ME1: variants seen among roughly 807,000 people sequenced by gnomAD.
ME1 encodes NADP-dependent malic enzyme.
In ME1, 74 loss-of-function variants were observed where a neutral mutation model predicts 66.4. That is an observed-to-expected ratio of 1.11 (90% CI 0.92 to 1.35). The LOEUF is 1.35. Among genes scored for constraint, ME1 ranks in the 40% most tolerant of loss-of-function variants. The pLI, the probability that ME1 is intolerant of heterozygous loss-of-function variation, is 0.00. For missense variants in ME1, 750 were observed against 694.1 expected (o/e 1.08, Z -0.90); for synonymous variants, 251 against 235.6 (o/e 1.07, Z -0.60).
intron 6 of ME1, among the ~76,000 whole-genome samples, chr6:83,302,442 T>A (rs998355158): frequency 6.6e-6 from 1 of 152,074 alleles, no homozygotes; most frequent in Non-Finnish European, 1.5e-5. Context: ...GCACATGTAC[T>A]CCTGAACTTA....
At position 83,429,633 on chromosome 6, in the gene ME1, T is replaced by C. The variant is rs1203398263; in HGVS notation, c.78+1244A>G. The stretch of plus-strand genomic sequence containing the variant: ...TAAGTTGGAATTATTTACAATTTAA[T>C]AATGCTACATGACGGCAGATAGCAC... On this transcript the variant is annotated intron_variant, in intron 1 of 13. Transcript: ENST00000369705. Among the ~76,000 whole-genome samples, 3 of 152,254 alleles carry C rather than the reference T, an allele frequency of 2.0e-5. 1 individual carries two copies. The highest frequency in any genetic ancestry group is 4.1e-4 in the South Asian group (2 of 4,836).
intron 2 of ME1, among the ~76,000 whole-genome samples, chr6:83,401,542 A>G (rs73476992): frequency 0.024 from 3,660 of 152,310 alleles, 156 homozygotes; most frequent in East Asian, 0.16. Flanking sequence ...TAAGGACACA[A>G]GCAGCTAAAG....
At chr6:83,212,949 C>T (rs1789922210) in intron 13 of ME1, among the ~76,000 whole-genome samples, 1 of 151,818 alleles carries the variant, frequency 6.6e-6, no homozygotes, top group Non-Finnish European at 1.5e-5. Context: ...TCAGTGTCTT[C>T]ATACATCTTC....
chr6:83,213,667 G>A (rs1583321805), intron 13 of ME1, among the ~76,000 whole-genome samples: 2 of 152,006 alleles, frequency 1.3e-5, no homozygotes, highest in South Asian at 2.1e-4. Context: ...GTGCCCAGCC[G>A]AATTCACATC....
Position 83,216,602 on chromosome 6 carries a change from G to GA in ME1, c.1450-7dup. The stretch of plus-strand genomic sequence containing the variant: ...GACACTTGCTGAGCTATAACCTTAT[G>GA]AAAAAAAGAAAGAAAAAAAGTGTTT... On this transcript the variant is annotated splice_region_variant and splice_polypyrimidine_tract_variant and intron_variant, in intron 12 of 13. Coordinates refer to ENST00000369705, the MANE Select transcript of ME1 (RefSeq NM_002395.6). The GA allele has an allele frequency of 3.8e-6, 6 of 1,576,124 alleles. No homozygotes were observed. The highest frequency in any genetic ancestry group is 3.4e-6 in the Non-Finnish European group (4 of 1,165,660).
intron 6 of ME1, among the ~76,000 whole-genome samples, chr6:83,311,671 C>T (rs1051703605): frequency 6.6e-6 from 1 of 152,044 alleles, no homozygotes; most frequent in African/African-American, 2.4e-5. Flanking sequence ...CTAAAAATTT[C>T]AGTGGTGGTT....
intron 6 of ME1, among the ~76,000 whole-genome samples, chr6:83,301,456 C>A (rs976761181): frequency 6.6e-6 from 1 of 152,034 alleles, no homozygotes; most frequent in Non-Finnish European, 1.5e-5. Flanking sequence ...GATTCTCCTG[C>A]CTCAGCCTCC....
At chr6:83,272,878 G>T (rs765851228) in intron 6 of ME1, among the ~76,000 whole-genome samples, 7 of 152,020 alleles carry the variant, frequency 4.6e-5, no homozygotes, top group Non-Finnish European at 1.0e-4. Context: ...TAGCTCCTTA[G>T]AATATAGGCA....
intron 1 of ME1, among the ~76,000 whole-genome samples, chr6:83,412,064 A>G (rs970729228): frequency 6.6e-6 from 1 of 152,206 alleles, no homozygotes. Context: ...ATTAGAAATG[A>G]TATTTGCAGG....
chr6:83,220,234 T>C (rs947980659), intron 12 of ME1, among the ~76,000 whole-genome samples: 7 of 152,098 alleles, frequency 4.6e-5, no homozygotes, highest in African/African-American at 1.7e-4. Flanking sequence ...TCCATGATGA[T>C]TATCTAAAGG....
chr6:83,330,702 T>C (rs1293233157), intron 5 of ME1, among the ~76,000 whole-genome samples: 1 of 152,206 alleles, frequency 6.6e-6, no homozygotes, highest in Non-Finnish European at 1.5e-5. Flanking sequence ...TTCAAGGAGT[T>C]CCTGCTAGTT....
At chr6:83,289,383 C>T (rs1767457012) in intron 6 of ME1, among the ~76,000 whole-genome samples, 1 of 152,096 alleles carries the variant, frequency 6.6e-6, no homozygotes, top group South Asian at 2.1e-4. Context: ...TTGTTGAAGG[C>T]CTTTTCTGCA....
chr6:83,290,790 T>C (rs149976252), intron 6 of ME1, among the ~76,000 whole-genome samples: 1,584 of 152,332 alleles, frequency 0.01, 27 homozygotes, highest in African/African-American at 0.035. Context: ...ACTTGCTTTA[T>C]GAATCTGGGT....
intron 3 of ME1, among the ~76,000 whole-genome samples, chr6:83,392,127 A>G (rs1769633488): frequency 6.6e-6 from 1 of 152,220 alleles, no homozygotes; most frequent in Admixed American, 6.5e-5. Flanking sequence ...CTCCCATTCA[A>G]CAGACAGCTG....
intron 6 of ME1, among the ~76,000 whole-genome samples, chr6:83,261,883 A>G (rs563853965): frequency 1.1e-3 from 165 of 151,780 alleles, no homozygotes; most frequent in African/African-American, 3.7e-3. Flanking sequence ...GCGTGGTGGC[A>G]GGCGCTTGTA....
At chr6:83,251,211 T>G (rs910987530) in intron 7 of ME1, among the ~76,000 whole-genome samples, 1 of 152,118 alleles carries the variant, frequency 6.6e-6, no homozygotes, top group Admixed American at 6.5e-5. Context: ...ATTGCATAAA[T>G]AGGTCAGGCA....
intron 3 of ME1, among the ~76,000 whole-genome samples, chr6:83,352,425 G>T (rs1032820139): frequency 3.3e-5 from 5 of 151,978 alleles, no homozygotes; most frequent in Non-Finnish European, 7.4e-5. Flanking sequence ...TATGTACAGA[G>T]AATTTAGATA....
chr6:83,296,240 G>T (rs1767596270), intron 6 of ME1, among the ~76,000 whole-genome samples: 1 of 151,898 alleles, frequency 6.6e-6, no homozygotes, highest in South Asian at 2.1e-4. Flanking sequence ...TCCCTGATTA[G>T]CACTGAAGCA....
chr6:83,362,967 C>G (rs1199066015), intron 3 of ME1, among the ~76,000 whole-genome samples: 1 of 152,148 alleles, frequency 6.6e-6, no homozygotes, highest in Non-Finnish European at 1.5e-5. Flanking sequence ...GGTGAAACGG[C>G]CTTTTGAAGT....
Sources: gnomAD v4.1 joint callset for allele counts (sites outside exome capture counted in the v4.1 genomes callset) on GRCh38, gnomAD v4.1.1 for gene constraint, MANE v1.5 for transcripts, NCBI Gene and HGNC (gene_info 2026-07-23, HGNC 2026-07-21) for gene names.